Variants in IRF5 observed in about 807,000 individuals in gnomAD.
IRF5 encodes the protein interferon regulatory factor 5.
Under a neutral mutation model 55.1 loss-of-function variants are expected in IRF5, and 24 were observed. That is an observed-to-expected ratio of 0.44 (90% CI 0.32 to 0.61). The LOEUF (loss-of-function observed/expected upper bound fraction) is 0.61, where lower values mean the gene tolerates loss of function less well. IRF5 is among the 20% of genes least tolerant of loss of function. The pLI is 0.07. For synonymous variants in IRF5, 258 were observed against 260.2 expected, an observed-to-expected ratio of 0.99 and a Z score of 0.08; for missense variants, 499 against 658.5, an observed-to-expected ratio of 0.76 and a Z score of 2.65.
At chr7:128,942,364 G>A (rs878989756) in intron 2 of IRF5, 88 bp downstream of exon 2, 12 of 1,240,550 alleles carry the variant, frequency 9.7e-6, no homozygotes, top group African/African-American at 1.5e-5. Flanking sequence ...GCAGCTCCTC[G>A]AGGCTGGCCA....
chr7:128,946,635 G>T lies in IRF5; in HGVS notation c.447+73G>T. On this transcript the variant is annotated intron_variant, in intron 4 of 8. Transcript: ENST00000357234. The surrounding 1 kb of genome is among the most constrained non-coding windows in gnomAD (Gnocchi z 4.2). The stretch of plus-strand genomic sequence containing the variant: ...CTGTCCCCATCGGCCTTAGGTTTCC[G>T]CAGCCCCACTCCCATGGAGCCCCGT... 1.0e-6 allele frequency: 1 copy of T among 989,216 alleles called. No individual in the cohort carries two copies. Among genetic ancestry groups the T allele is most frequent in the Non-Finnish European group, 1.6e-6 (1 of 641,608 alleles). The allele number at this position is 989,216 out of a possible 1,614,324, so 61.3% of individuals were successfully genotyped here.
chr7:128,942,369 TG>T lies in IRF5; in HGVS notation c.195+95del. 7 of 1,143,182 alleles carry T rather than the reference TG, an allele frequency of 6.1e-6. No homozygotes were observed. The South Asian group carries it at 9.4e-5, about 15-fold the overall frequency. The allele number at this position is 1,143,182 out of a possible 1,614,324, so 70.8% of individuals were successfully genotyped here. A position where few individuals can be genotyped will look rare whatever the true frequency, so the allele number is the denominator to read the frequency against. ...ACGCACACAGGCAGCTCCTCGAGGC[TG>T]GCCACCCGCCCAGCTACCATGCTGC... is the stretch of plus-strand genomic sequence containing the variant. On this transcript the variant is annotated intron_variant, in intron 2 of 8. Coordinates refer to ENST00000357234, the MANE Select transcript of IRF5 (RefSeq NM_001098629.3).
In IRF5 at chr7:128,947,208, C is replaced by T. The variant is rs770609875; in HGVS notation, c.482-22C>T. On this transcript the variant is annotated intron_variant, in intron 5 of 8. Transcript: ENST00000357234. This position sits in a 1 kb window ranked among gnomAD's most constrained non-coding sequence, Gnocchi z 6.5. ...AGTTCGTGGAGGTGGCACTGACAGC[C>T]GTCCACACGCACTCTCTGTAGATGC... 80 of 1,596,570 alleles carry T rather than the reference C, an allele frequency of 5.0e-5. No homozygotes were observed. In the Middle Eastern group the frequency reaches 8.4e-4, roughly 17 times the overall value.
chr7:128,944,068 T>G (rs1001965806), intron 2 of IRF5, among the ~76,000 whole-genome samples: 1 of 152,244 alleles, frequency 6.6e-6, no homozygotes, highest in Non-Finnish European at 1.5e-5. Context: ...ATTTTAGTTT[T>G]TTTGCACATG....
At chr7:128,939,780 A>G (rs926672588) in intron 1 of IRF5, among the ~76,000 whole-genome samples, 16 of 152,128 alleles carry the variant, frequency 1.1e-4, no homozygotes, top group African/African-American at 3.6e-4. Flanking sequence ...TGCCTCACAC[A>G]ATTGTAGGGA....
rs767936424 is a variant in IRF5 at position 128,949,629 on chromosome 7, C to T, written c.*811C>T. On this transcript the variant is annotated 3_prime_UTR_variant, in exon 9 of 9. Coordinates refer to ENST00000357234, the MANE Select transcript of IRF5 (RefSeq NM_001098629.3). ...AAGGGTGTGGAATTTTAAATGTGTG[C>T]ACAGTCTGGAAAACTGTCAGAATCA... The T allele has an allele frequency of 6.6e-6, 1 of 152,182 alleles. No homozygotes were observed. The highest frequency in any genetic ancestry group is 1.9e-4 in the East Asian group (1 of 5,200). 9.4% of individuals were successfully genotyped at this position (152,182 alleles called of 1,614,324 possible).
rs567725528 is a variant in IRF5, at chr7:128,939,822, C to T, written c.-12+1773C>T. Among the ~76,000 whole-genome samples the T allele has an allele frequency of 3.9e-4, 59 of 152,352 alleles. 1 individual carries two copies. Among genetic ancestry groups the T allele is most frequent in the African/African-American group, 1.2e-3 (50 of 41,596 alleles). On this transcript the variant is annotated intron_variant, in intron 1 of 8. Transcript: ENST00000357234. ...CAGGCTGTTGGATTTCCCCACCTTC[C>T]GGGGCTCAGGTCCATTGACTTAGGT...
chr7:128,945,933 A>C lies in IRF5; in HGVS notation c.284A>C (p.Asn95Thr). 3 of 1,613,582 alleles carry C rather than the reference A, an allele frequency of 1.9e-6. No individual in the cohort carries two copies. The highest frequency in any genetic ancestry group is 2.5e-6 in the Non-Finnish European group (3 of 1,179,856). Residue 95 changes from asparagine to threonine, a missense_variant, in exon 3 of 9, where the codon AAC becomes ACC. Physicochemically the swap from Asn to Thr is moderately conservative, Grantham distance 65. Around this residue, in one of 2 missense-constraint regions of IRF5, gnomAD observed 305 missense variants for 340.2 expected, o/e 0.90. Transcript: ENST00000357234. ...AAGGCCAACCTGCGCTGTGCCCTTA[A>C]CAAGAGCCGGGACTTCCGCCTCATC... The part of the protein sequence containing the change: ...KWKANLRCAL[N>T]KSRDFRLIYD...
chr7:128,938,010 G>T lies in IRF5; in HGVS notation c.-51G>T, dbSNP rs1795826245. The T allele has an allele frequency of 6.6e-6, 1 of 152,128 alleles. No homozygotes were observed. The highest frequency in any genetic ancestry group is 2.4e-5 in the African/African-American group (1 of 41,434). The allele number at this position is 152,128 out of a possible 1,614,324, so 9.4% of individuals were successfully genotyped here. ...CTCAGCTTGGTCCCGCCGCCCGGCCGGTGCTCCCTGGCGCAGCCACGCAGG... is the reference window on the plus strand; with the variant it reads ...CTCAGCTTGGTCCCGCCGCCCGGCCTGTGCTCCCTGGCGCAGCCACGCAGG... On this transcript the variant is annotated 5_prime_UTR_variant, in exon 1 of 9. Transcript: ENST00000357234.
At position 128,947,687 on chromosome 7, in the gene IRF5, G is replaced by A. The variant is rs148265365; in HGVS notation, c.788-42G>A. 3,752 of 1,544,582 alleles carry A rather than the reference G, an allele frequency of 2.4e-3. 8 individuals are homozygous for A. Among genetic ancestry groups the A allele is most frequent in the Non-Finnish European group, 3.0e-3 (3,443 of 1,149,948 alleles). ...CCACTGGGCTGCAGAATGGGGAGGC[G>A]TGGGGCTCAAGGACGGGATGGGCCT... On this transcript the variant is annotated intron_variant, in intron 6 of 8. Transcript: ENST00000357234. The surrounding 1 kb of genome is among the most constrained non-coding windows in gnomAD (Gnocchi z 6.5).
intron 1 of IRF5, chr7:128,941,384 C>T (rs952717130): frequency 6.6e-6 from 1 of 152,398 alleles, no homozygotes; most frequent in African/African-American, 2.4e-5. Flanking sequence ...ATGAATGGCC[C>T]TAGAGAGGTA....
At chr7:128,940,229 G>T (rs1234518683) in intron 1 of IRF5, 3 of 152,376 alleles carry the variant, frequency 2.0e-5, no homozygotes, top group South Asian at 2.1e-4. Flanking sequence ...GTTGGGCAGG[G>T]CCAGACTGCT....
rs201404768 is a variant in IRF5 at position 128,947,100 on chromosome 7, G to A, written c.481+44G>A. 6.8e-6 allele frequency: 11 copies of A among 1,614,048 alleles called. No homozygotes were observed. Among genetic ancestry groups the A allele is most frequent in the Middle Eastern group, 1.6e-4 (1 of 6,062 alleles). On this transcript the variant is annotated intron_variant, in intron 5 of 8. Transcript: ENST00000357234. This position sits in a 1 kb window ranked among gnomAD's most constrained non-coding sequence, Gnocchi z 6.5. ...GGTTGGGGGTCTAGTATACAGAGAA[G>A]CTATAGGTACCATAGGTACCTGGAA...
At chr7:128,945,257 C>T (rs577730329) in intron 2 of IRF5, among the ~76,000 whole-genome samples, 41 of 152,158 alleles carry the variant, frequency 2.7e-4, no homozygotes, top group Non-Finnish European at 5.1e-4. Context: ...GGACCACAGG[C>T]ACCCACCACT....
At chr7:128,944,260 A>G (rs919501089) in intron 2 of IRF5, among the ~76,000 whole-genome samples, 1 of 152,168 alleles carries the variant, frequency 6.6e-6, no homozygotes, top group African/African-American at 2.4e-5. Context: ...GTTTTTAGAT[A>G]CTTGAGATTG....
At chr7:128,937,608 C>A (rs970992312), upstream of IRF5, 4 of 152,464 alleles carry the variant, frequency 2.6e-5, no homozygotes, top group African/African-American at 9.6e-5. Flanking sequence ...GGCCACACTG[C>A]GCCCTCATTT....
chr7:128,939,817 C>T (rs987031096), intron 1 of IRF5, among the ~76,000 whole-genome samples: 2 of 152,230 alleles, frequency 1.3e-5, no homozygotes, highest in African/African-American at 4.8e-5. Context: ...GATTTCCCCA[C>T]CTTCCGGGGC....
chr7:128,938,690 A>G (rs1295487807), intron 1 of IRF5, among the ~76,000 whole-genome samples: 1 of 152,108 alleles, frequency 6.6e-6, no homozygotes, highest in Non-Finnish European at 1.5e-5. Context: ...GAGCAGCGGA[A>G]AAGGATGGGG....
chr7:128,939,460 G>A (rs1442654032), intron 1 of IRF5, among the ~76,000 whole-genome samples: 2 of 152,138 alleles, frequency 1.3e-5, no homozygotes, highest in Admixed American at 6.5e-5. Flanking sequence ...CAGCTGACCC[G>A]GAGGGGTGGG....
Sources: gnomAD v4.1 joint callset for allele counts (sites outside exome capture counted in the v4.1 genomes callset) on GRCh38, gnomAD v4.1.1 for gene constraint, gnomAD v4.1.1 regional missense constraint, Gnocchi (gnomAD v3.1) non-coding constraint, MANE v1.5 for transcripts, NCBI Gene and HGNC (gene_info 2026-07-23, HGNC 2026-07-21) for gene names.